Variants in RASAL1 observed in about 807,000 individuals in gnomAD.
The protein encoded by RASAL1 is RAS protein activator like 1, also known as rasGAP-activating-like protein 1.
A neutral mutation model predicts 96.6 loss-of-function variants in RASAL1; 72 were observed. That is an observed-to-expected ratio of 0.75 (90% confidence interval 0.62 to 0.91). RASAL1 has a LOEUF of 0.91. Ranked by LOEUF, RASAL1 falls within the 40% of genes least tolerant of loss-of-function variation. The probability of loss-of-function intolerance (pLI) is 0.00; values close to 1 mark genes in which losing one functional copy is unlikely to be tolerated. For missense variants in RASAL1, 1,016 were observed against 1,072.5 expected (o/e 0.95, Z 0.74); for synonymous variants, 405 against 430.4 (o/e 0.94, Z 0.73).
Position 113,135,429 on chromosome 12 carries a change from C to T in RASAL1, c.34G>A (p.Val12Met). 1 of 1,610,298 alleles carries T rather than the reference C, an allele frequency of 6.2e-7. No homozygotes were observed. The highest frequency in any genetic ancestry group is 8.5e-7 in the Non-Finnish European group (1 of 1,178,792). The change falls in exon 1 of 21, where the codon GTG becomes ATG. Residue 12 changes from valine (V) to methionine (M), a missense_variant. By Grantham distance (21) the Val-to-Met change is conservative. Transcript: ENST00000548055. This position sits in a 1 kb window ranked among gnomAD's most constrained non-coding sequence, Gnocchi z 5.7. ...TTGGCAGGCAGCGCGCGGCCCTCCA[C>T]CACGCGAACATTCAGGGAGCTGCTC... ...AKSSSLNVRV[V>M]EGRALPAKDV...
rs1950566059 is a variant in RASAL1, at chr12:113,104,231, A to G, written c.1898T>C (p.Leu633Pro). The G allele has an allele frequency of 6.2e-7, 1 of 1,607,140 alleles. No individual in the cohort carries two copies. ...CGTCACCACCTGCATCACGTGGGGC[A>G]GTTGGAAGGCGCCCTCGTCTACGCG... Reference protein sequence around the residue: ...VERVDEGAFQLPHVMQVVTQD... With the variant: ...VERVDEGAFQPPHVMQVVTQD... The change falls in exon 17 of 21, where the codon CTG becomes CCG. Residue 633 changes from leucine to proline, a missense_variant. By Grantham distance (98) the Leu-to-Pro change is moderately conservative. Coordinates refer to ENST00000548055, the MANE Select transcript of RASAL1 (RefSeq NM_001301202.2).
At position 113,103,820 on chromosome 12, in the gene RASAL1, G is replaced by A. The variant is rs1334761429; in HGVS notation, c.2104+126C>T. The A allele has an allele frequency of 1.3e-5, 16 of 1,244,042 alleles. No homozygotes were observed. In the East Asian group the frequency reaches 4.1e-4, roughly 32 times the overall value. 77.1% of individuals were successfully genotyped at this position (1,244,042 alleles called of 1,614,324 possible). On this transcript the variant is annotated intron_variant, in intron 18 of 20. Transcript: ENST00000548055. ...GTTATCAACCTCATTTCACAGTTGA[G>A]GAGACTGAGGCATAGAGAGGTTGAG...
intron 7 of RASAL1, 61 bp downstream of exon 7, chr12:113,119,067 C>A: frequency 6.6e-7 from 1 of 1,515,308 alleles, no homozygotes; most frequent in Non-Finnish European, 8.9e-7. Flanking sequence ...CCCGTCTCAT[C>A]TTTCTTCCCC....
At chr12:113,125,474 A>G (rs955176704) in intron 4 of RASAL1, among the ~76,000 whole-genome samples, 2 of 152,250 alleles carry the variant, frequency 1.3e-5, no homozygotes, top group African/African-American at 4.8e-5. Context: ...AAGAGAAAAT[A>G]AAGTGATTCT....
In RASAL1 at chr12:113,119,319, C is replaced by A. The variant is rs750737229; in HGVS notation, c.510+43G>T. 7 of 1,612,892 alleles carry A rather than the reference C, an allele frequency of 4.3e-6. No homozygotes were observed. The South Asian group carries it at 7.7e-5, about 18-fold the overall frequency. ...GCTGATGGGGACTCCTGCCCCACCA[C>A]CAAATGCCCCACTCCTTCCTGGCTT... is the stretch of plus-strand genomic sequence containing the variant. On this transcript the variant is annotated intron_variant, in intron 6 of 20. Coordinates refer to ENST00000548055, the MANE Select transcript of RASAL1 (RefSeq NM_001301202.2).
intron 19 of RASAL1, among the ~76,000 whole-genome samples, chr12:113,100,896 A>T (rs1357981042): frequency 2.6e-5 from 4 of 152,206 alleles, no homozygotes; most frequent in African/African-American, 9.7e-5. Flanking sequence ...TGACAAACTC[A>T]TATGAGGTAG....
At chr12:113,102,177 A>G (rs1476563943) in intron 18 of RASAL1, among the ~76,000 whole-genome samples, 168 bp from the exon 19 acceptor site, 3 of 152,186 alleles carry the variant, frequency 2.0e-5, no homozygotes, top group African/African-American at 7.2e-5. Flanking sequence ...GCACTTTTGG[A>G]GGCTGAGATG....
chr12:113,103,972 G>C lies in RASAL1; in HGVS notation c.2078C>G (p.Thr693Ser). Reference protein sequence around the residue: ...HPGAFRSARWTCCLQAERSAA... With the variant: ...HPGAFRSARWSCCLQAERSAA... ...TGAGCGCTCAGCCTGGAGGCAGCAG[G>C]TCCAGCGCGCGCTGCGGAAGGCACC... Residue 693 changes from threonine to serine, a missense_variant, in exon 18 of 21, where the codon ACC becomes AGC. By Grantham distance (58) the Thr-to-Ser change is moderately conservative. Coordinates refer to ENST00000548055, the MANE Select transcript of RASAL1 (RefSeq NM_001301202.2). 6.4e-7 allele frequency: 1 copy of C among 1,562,602 alleles called. No individual in the cohort carries two copies. Among genetic ancestry groups the C allele is most frequent in the South Asian group, 1.2e-5 (1 of 85,352 alleles).
At chr12:113,123,121 C>T (rs1221578442) in intron 4 of RASAL1, among the ~76,000 whole-genome samples, 6 of 152,164 alleles carry the variant, frequency 3.9e-5, no homozygotes, top group Admixed American at 6.5e-5. Context: ...TGCGTAATTA[C>T]TTGTAATTTA....
chr12:113,115,008 A>G lies in RASAL1; in HGVS notation c.1069-96T>C. The G allele has an allele frequency of 8.6e-7, 1 of 1,165,296 alleles. No individual in the cohort carries two copies. Among genetic ancestry groups the G allele is most frequent in the South Asian group, 1.2e-5 (1 of 80,722 alleles). The allele number at this position is 1,165,296 out of a possible 1,614,324, so 72.2% of individuals were successfully genotyped here. A position where few individuals can be genotyped will look rare whatever the true frequency, so the allele number is the denominator to read the frequency against. The stretch of plus-strand genomic sequence containing the variant: ...GGGGGGACCATGCAGGAAGAGGTTC[A>G]GAGAGAGGCCAGGGCTGGGGTAGGG... On this transcript the variant is annotated intron_variant, in intron 11 of 20. Coordinates refer to ENST00000548055, the MANE Select transcript of RASAL1 (RefSeq NM_001301202.2). This position sits in a 1 kb window ranked among gnomAD's most constrained non-coding sequence, Gnocchi z 4.1.
At chr12:113,124,775 G>T (rs1343016400) in intron 4 of RASAL1, among the ~76,000 whole-genome samples, 2 of 152,164 alleles carry the variant, frequency 1.3e-5, no homozygotes, top group African/African-American at 2.4e-5. Flanking sequence ...CATGAAATAG[G>T]ATTATAATGA....
In RASAL1 at chr12:113,115,662, G is replaced by A; in HGVS notation, c.976C>T (p.Leu326Phe). The change falls in exon 10 of 21, where the codon CTC becomes TTC. Residue 326 changes from leucine (L) to phenylalanine (F), a missense_variant. Physicochemically the swap from Leu to Phe is conservative, Grantham distance 22. Coordinates refer to ENST00000548055, the MANE Select transcript of RASAL1 (RefSeq NM_001301202.2). This position sits in a 1 kb window ranked among gnomAD's most constrained non-coding sequence, Gnocchi z 4.1. ...RGLAGRFLDYLTRREVARTMD... is the reference protein window; with the variant it reads ...RGLAGRFLDYFTRREVARTMD... ...GTCCGAGCCACCTCACGCCGGGTGA[G>A]ATAGTCCAGAAAGCGCCCAGCCAGT... 1 of 1,613,838 alleles carries A rather than the reference G, an allele frequency of 6.2e-7. No individual in the cohort carries two copies. Among genetic ancestry groups the A allele is most frequent in the Non-Finnish European group, 8.5e-7 (1 of 1,180,012 alleles).
At chr12:113,133,129 G>A (rs1395479102) in intron 1 of RASAL1, among the ~76,000 whole-genome samples, 1 of 152,200 alleles carries the variant, frequency 6.6e-6, no homozygotes, top group East Asian at 1.9e-4. Flanking sequence ...GACCCAGCCT[G>A]ACCTCCAGGC....
intron 1 of RASAL1, among the ~76,000 whole-genome samples, chr12:113,134,270 C>T (rs1194351852): frequency 6.6e-6 from 1 of 152,180 alleles, no homozygotes; most frequent in Non-Finnish European, 1.5e-5. Context: ...CAGCTGCCCC[C>T]TTGACGCAGC....
chr12:113,116,876 A>T (rs977294720), intron 8 of RASAL1, among the ~76,000 whole-genome samples, 197 bp downstream of exon 8: 2 of 152,278 alleles, frequency 1.3e-5, no homozygotes, highest in African/African-American at 4.8e-5. Flanking sequence ...GCACATGAAC[A>T]GGTGAACGGG....
intron 4 of RASAL1, among the ~76,000 whole-genome samples, chr12:113,124,372 A>G (rs1039640229): frequency 5.3e-5 from 8 of 152,136 alleles, no homozygotes; most frequent in African/African-American, 1.9e-4. Context: ...ACATCTCTCT[A>G]TCTCCACTGC....
chr12:113,117,008 C>CG, intron 8 of RASAL1, 65 bp downstream of exon 8: 1 of 1,363,834 alleles, frequency 7.3e-7, no homozygotes, highest in African/African-American at 1.5e-5. Context: ...GGGCTCTGCC[C>CG]GCAAGCTGTG....
Position 113,135,208 on chromosome 12 carries a change from C to T in RASAL1, c.65+190G>A, listed in dbSNP as rs1223282264. ...GCGGGGCATCTGCTAACTCTAGGCG[C>T]CCCCCTCCCACCGGGACAGCCATGG... is the stretch of plus-strand genomic sequence containing the variant. On this transcript the variant is annotated intron_variant, in intron 1 of 20. Coordinates refer to ENST00000548055, the MANE Select transcript of RASAL1 (RefSeq NM_001301202.2). This position sits in a 1 kb window ranked among gnomAD's most constrained non-coding sequence, Gnocchi z 5.7. 6.6e-6 allele frequency among the ~76,000 whole-genome samples: 1 copy of T among 152,090 alleles called. No individual in the cohort carries two copies. Among genetic ancestry groups the T allele is most frequent in the Non-Finnish European group, 1.5e-5 (1 of 67,994 alleles).
rs1950471434 is a variant in RASAL1 at position 113,102,125 on chromosome 12, C to G, written c.2105-116G>C. ...CCTGTAAAATCCCTCCTCAAACCTA[C>G]TACTTCTAGGCCACACACGGTGGCT... is the stretch of plus-strand genomic sequence containing the variant. On this transcript the variant is annotated intron_variant, in intron 18 of 20. Coordinates refer to ENST00000548055, the MANE Select transcript of RASAL1 (RefSeq NM_001301202.2). The G allele has an allele frequency of 4.6e-6, 6 of 1,309,188 alleles. No individual in the cohort carries two copies. In the Admixed American group the frequency reaches 6.3e-5, roughly 14 times the overall value. The allele number at this position is 1,309,188 out of a possible 1,614,324, so 81.1% of individuals were successfully genotyped here. A position where few individuals can be genotyped will look rare whatever the true frequency, so the allele number is the denominator to read the frequency against.
Sources: allele counts gnomAD v4.1 joint callset (sites outside exome capture counted in the v4.1 genomes callset), GRCh38; gene constraint gnomAD v4.1.1; non-coding constraint Gnocchi (gnomAD v3.1); transcripts MANE v1.5; gene names NCBI Gene and HGNC (gene_info 2026-07-23, HGNC 2026-07-21).